Variants in GART observed in about 807,000 individuals in gnomAD.
The protein encoded by GART is phosphoribosylglycinamide formyltransferase, phosphoribosylglycinamide synthetase, phosphoribosylaminoimidazole synthetase.
A neutral mutation model predicts 107.2 loss-of-function variants in GART; 43 were observed. That is an observed-to-expected ratio of 0.40 (90% confidence interval 0.31 to 0.52). The LOEUF (loss-of-function observed/expected upper bound fraction) is 0.52, where lower values mean the gene tolerates loss of function less well. GART is among the 20% of genes least tolerant of loss of function. GART has a pLI of 0.52. For synonymous variants in GART, 434 were observed against 427.0 expected, an observed-to-expected ratio of 1.02 and a Z score of -0.20; for missense variants, 1,107 against 1,206.5, an observed-to-expected ratio of 0.92 and a Z score of 1.22.
chr21:33,542,127 G>GGCGCGGGACCA (rs1278275194), upstream of GART: 4 of 152,070 alleles, frequency 2.6e-5, no homozygotes, highest in African/African-American at 4.8e-5. Context: ...CACCGGGACC[G>GGCGCGGGACCA]GCGCGGGACC....
At chr21:33,536,551 T>C (rs904367655) in intron 2 of GART, among the ~76,000 whole-genome samples, 1 of 152,244 alleles carries the variant, frequency 6.6e-6, no homozygotes, top group Non-Finnish European at 1.5e-5. Context: ...ACGCTATATA[T>C]ATAGTATGTT....
intron 18 of GART, among the ~76,000 whole-genome samples, chr21:33,506,803 G>T (rs150395979): frequency 1.3e-5 from 2 of 152,078 alleles, no homozygotes; most frequent in Non-Finnish European, 2.9e-5. Context: ...ATTGCAAACA[G>T]GTATATAAAA....
chr21:33,504,628 G>T, intron 20 of GART, 101 bp from the exon 21 acceptor site: 1 of 760,778 alleles, frequency 1.3e-6, no homozygotes, highest in Non-Finnish European at 2.2e-6. Flanking sequence ...AACAGGAGTT[G>T]GATTTCTGGG....
At chr21:33,525,843 C>A (rs2085063428) in intron 10 of GART, among the ~76,000 whole-genome samples, 1 of 149,526 alleles carries the variant, frequency 6.7e-6, no homozygotes. Context: ...TCACATTAAT[C>A]TTTTCCTTAA....
intron 2 of GART, 120 bp from the exon 3 acceptor site, chr21:33,535,440 G>T (rs913524389): frequency 1.9e-5 from 11 of 566,296 alleles, no homozygotes; most frequent in Middle Eastern, 4.8e-4. Context: ...TTATCTGTTG[G>T]TTTTCTTATA....
At position 33,524,876 on chromosome 21, in the gene GART, T is replaced by C. The variant is rs372824278; in HGVS notation, c.1191A>G (p.Ile397Met). 90 of 1,614,070 alleles carry C rather than the reference T, an allele frequency of 5.6e-5. 1 individual carries two copies. The highest frequency in any genetic ancestry group is 1.6e-4 in the Middle Eastern group (1 of 6,084). The change falls in exon 11 of 22, where the codon ATA becomes ATG. Residue 397 changes from isoleucine (I) to methionine (M), a missense_variant. Transcript: ENST00000381815. ...LAVTAIRENLISALEEAKKGL... is the reference protein window; with the variant it reads ...LAVTAIRENLMSALEEAKKGL... ...CTTTCTTGGCTTCCTCAAGGGCTGA[T>C]ATGAGATTTTCCCGGATGGCTGTGA...
At chr21:33,538,324 G>A (rs1163052676) in intron 2 of GART, among the ~76,000 whole-genome samples, 1 of 150,568 alleles carries the variant, frequency 6.6e-6, no homozygotes, top group African/African-American at 2.4e-5. Flanking sequence ...TTTGTTTTGT[G>A]AGACAGGTTC....
chr21:33,508,707 G>C (rs1399340957), intron 18 of GART, among the ~76,000 whole-genome samples: 1 of 151,964 alleles, frequency 6.6e-6, no homozygotes, highest in African/African-American at 2.4e-5. Flanking sequence ...AGTGGAGACA[G>C]GGTTTCACCA....
At chr21:33,530,642 T>C (rs2085167597) in intron 7 of GART, 117 bp downstream of exon 7, 2 of 1,061,502 alleles carry the variant, frequency 1.9e-6, no homozygotes, top group Admixed American at 7.3e-5. Context: ...TGCTGATTAG[T>C]AACATAATTC....
At chr21:33,510,335 T>G (rs1212929748) in intron 17 of GART, 1 of 155,270 alleles carries the variant, frequency 6.4e-6, no homozygotes, top group Non-Finnish European at 1.4e-5. Flanking sequence ...GGGTCTCTCT[T>G]TTTTTTCTTT....
At chr21:33,510,881 C>T (rs1485772902) in intron 17 of GART, among the ~76,000 whole-genome samples, 1 of 152,014 alleles carries the variant, frequency 6.6e-6, no homozygotes. Context: ...GATTTTCTGC[C>T]CCTCTGCCAA....
Position 33,505,686 on chromosome 21 carries a change from A to G in GART, c.2600T>C (p.Leu867Pro), listed in dbSNP as rs201572254. 2.5e-6 allele frequency: 4 copies of G among 1,598,270 alleles called. No homozygotes were observed. The East Asian group carries it at 8.9e-5, about 36-fold the overall frequency. Residue 867 changes from leucine (L) to proline (P), a missense_variant, in exon 20 of 22, where the codon CTG becomes CCG. Transcript: ENST00000381815. ...GTCAAATTCTACACGATTTTTATAC[A>G]GTTTATGATTAATTACCTGTAATAG... ...GIPTRVINHK[L>P]YKNRVEFDSA...
chr21:33,521,631 C>CAAAAA (rs571421187), intron 12 of GART, among the ~76,000 whole-genome samples: 1 of 54,438 alleles, frequency 1.8e-5, no homozygotes, highest in African/African-American at 6.3e-5. Context: ...GACTTTGTCT[C>CAAAAA]AAAAAAAAAA....
At chr21:33,534,509 C>CT (rs1408577376) in intron 4 of GART, 70 bp downstream of exon 4, 27 of 1,541,964 alleles carry the variant, frequency 1.8e-5, no homozygotes, top group Non-Finnish European at 2.3e-5. Flanking sequence ...GCTACTGTGC[C>CT]TGGCCACTGA....
At chr21:33,505,483 G>C in intron 20 of GART, 78 bp downstream of exon 20, 2 of 1,292,474 alleles carry the variant, frequency 1.5e-6, no homozygotes, top group South Asian at 1.6e-5. Context: ...TCACTACTGG[G>C]ATTGTTTGGC....
intron 16 of GART, among the ~76,000 whole-genome samples, chr21:33,515,377 C>T (rs1160781027): frequency 1.3e-5 from 2 of 152,228 alleles, no homozygotes; most frequent in Non-Finnish European, 2.9e-5. Flanking sequence ...CACAGTGGCT[C>T]ATGCCTGTAA....
At chr21:33,526,559 T>G (rs548390002) in intron 10 of GART, among the ~76,000 whole-genome samples, 10 of 152,056 alleles carry the variant, frequency 6.6e-5, no homozygotes, top group African/African-American at 2.4e-4. Flanking sequence ...AACCAGATCA[T>G]GAGACTTAAG....
intron 10 of GART, among the ~76,000 whole-genome samples, chr21:33,525,699 T>C (rs1392775578): frequency 1.3e-5 from 2 of 152,002 alleles, no homozygotes; most frequent in East Asian, 3.9e-4. Flanking sequence ...TTTAATGCAA[T>C]GTAATAGTAA....
chr21:33,505,846 A>G, intron 19 of GART, 128 bp downstream of exon 19: 1 of 1,408,302 alleles, frequency 7.1e-7, no homozygotes, highest in Non-Finnish European at 9.7e-7. Context: ...AGGATGAAGA[A>G]GGCAAGCCCA....
Sources: gnomAD v4.1 joint callset for allele counts (sites outside exome capture counted in the v4.1 genomes callset) on GRCh38, gnomAD v4.1.1 for gene constraint, MANE v1.5 for transcripts, NCBI Gene and HGNC (gene_info 2026-07-23, HGNC 2026-07-21) for gene names.